The following LUC7L2 variants were observed in gnomAD, a reference collection of about 807,000 sequenced individuals.
LUC7L2 encodes LUC7 like 2, pre-mRNA splicing factor.
A neutral mutation model predicts 52.8 loss-of-function variants in LUC7L2; 25 were observed. The ratio of observed to expected loss-of-function variants is 0.47; its 90% CI spans 0.34 to 0.66. The LOEUF (loss-of-function observed/expected upper bound fraction) is 0.66, where lower values mean the gene tolerates loss of function less well. Among genes scored for constraint, LUC7L2 ranks in the 30% least tolerant of loss-of-function variants. The pLI, the probability that LUC7L2 is intolerant of heterozygous loss-of-function variation, is 0.01. For synonymous variants in LUC7L2, 144 were observed against 160.9 expected, an observed-to-expected ratio of 0.89 and a Z score of 0.80; for missense variants, 328 against 497.8, an observed-to-expected ratio of 0.66 and a Z score of 3.25.
chr7:139,392,824 G>T (rs1794501552), intron 2 of LUC7L2, among the ~76,000 whole-genome samples: 1 of 151,432 alleles, frequency 6.6e-6, no homozygotes, highest in Admixed American at 6.6e-5. Flanking sequence ...GGCTAATTTT[G>T]TATTTTTTTA....
At chr7:139,382,483 A>C (rs1250145312) in intron 2 of LUC7L2, among the ~76,000 whole-genome samples, 4 of 151,978 alleles carry the variant, frequency 2.6e-5, no homozygotes, top group African/African-American at 9.7e-5. Context: ...CCTGAGTTCG[A>C]GTGATTTTCC....
intron 2 of LUC7L2, among the ~76,000 whole-genome samples, chr7:139,397,129 G>A (rs545339962): frequency 1.8e-4 from 28 of 152,164 alleles, no homozygotes; most frequent in South Asian, 1.2e-3. Context: ...CTCTATTCCT[G>A]TTCCCTGTTA....
At chr7:139,359,756 G>C, upstream of LUC7L2, 1 of 400,762 alleles carries the variant, frequency 2.5e-6, no homozygotes, top group Non-Finnish European at 4.4e-6. Context: ...CCGGGGTAAA[G>C]GGGCGGGAGG....
Position 139,402,372 on chromosome 7 carries a change from T to G in LUC7L2, c.366+125T>G, listed in dbSNP as rs1794951791. 2.1e-5 allele frequency: 19 copies of G among 926,692 alleles called. No individual in the cohort carries two copies. The South Asian group carries it at 3.4e-4, about 17-fold the overall frequency. 57.4% of individuals were successfully genotyped at this position (926,692 alleles called of 1,614,324 possible). On this transcript the variant is annotated intron_variant, in intron 4 of 9. Coordinates refer to ENST00000354926, the MANE Select transcript of LUC7L2 (RefSeq NM_016019.5). ...ACATATACAAGGAATTCTGTATACTTTCTTGTCTGCCCCAGTGTAAACATC... is the reference window on the plus strand; with the variant it reads ...ACATATACAAGGAATTCTGTATACTGTCTTGTCTGCCCCAGTGTAAACATC...
chr7:139,415,054 GTTTTTTTTTTTT>G (rs1171809951), intron 8 of LUC7L2, among the ~76,000 whole-genome samples: 4 of 54,192 alleles, frequency 7.4e-5, no homozygotes, highest in African/African-American at 3.9e-4. Context: ...GCCCTGCTAA[GTTTTTTTTTTTT>G]TTTTTTTTTT....
chr7:139,373,479 C>T (rs1482888306), intron 1 of LUC7L2, among the ~76,000 whole-genome samples: 1 of 151,992 alleles, frequency 6.6e-6, no homozygotes, highest in Non-Finnish European at 1.5e-5. Context: ...TTATGGAGCA[C>T]CCATTCATTT....
chr7:139,359,489 T>G (rs562272089), upstream of LUC7L2: 3 of 193,968 alleles, frequency 1.5e-5, no homozygotes, highest in African/African-American at 2.4e-5. Flanking sequence ...GGGGCGGGCG[T>G]TCGCCCCGAG....
intron 1 of LUC7L2, among the ~76,000 whole-genome samples, chr7:139,370,267 A>G (rs1034079730): frequency 3.9e-5 from 6 of 152,220 alleles, no homozygotes; most frequent in African/African-American, 1.4e-4. Flanking sequence ...GGTTAATTAC[A>G]AAAGGATTTG....
At chr7:139,388,173 TTCTC>T (rs754027828) in intron 2 of LUC7L2, among the ~76,000 whole-genome samples, 2 of 152,188 alleles carry the variant, frequency 1.3e-5, no homozygotes, top group African/African-American at 2.4e-5. Flanking sequence ...TATATTCTCA[TTCTC>T]TCTCTCTTTC....
chr7:139,400,789 A>G (rs934592260), intron 3 of LUC7L2, among the ~76,000 whole-genome samples: 41 of 152,324 alleles, frequency 2.7e-4, no homozygotes, highest in African/African-American at 9.4e-4. Context: ...TCTTTACATA[A>G]GGAAATTTGA....
intron 3 of LUC7L2, among the ~76,000 whole-genome samples, chr7:139,401,892 C>G (rs1273617051): frequency 6.6e-6 from 1 of 151,870 alleles, no homozygotes; most frequent in Non-Finnish European, 1.5e-5. Flanking sequence ...GAAGCTGAGA[C>G]TACAGGTGTG....
intron 1 of LUC7L2, chr7:139,340,542 G>A (rs991081390): frequency 5.0e-6 from 2 of 398,258 alleles, no homozygotes; most frequent in African/African-American, 4.1e-5. Context: ...GCGGTGATGT[G>A]GACTTTTGTT....
At chr7:139,405,922 A>G (rs1795093422) in intron 5 of LUC7L2, 135 bp downstream of exon 5, 2 of 1,312,272 alleles carry the variant, frequency 1.5e-6, no homozygotes, top group African/African-American at 3.1e-5. Flanking sequence ...CAGTTGTTAA[A>G]GAGAAGTTGA....
intron 1 of LUC7L2, chr7:139,374,692 G>C: frequency 1.5e-6 from 2 of 1,318,314 alleles, no homozygotes; most frequent in Middle Eastern, 2.8e-4. Flanking sequence ...ATAAATTACT[G>C]TTGTTAAAAT....
rs1336333206 is a variant in LUC7L2 at position 139,398,616 on chromosome 7, A to G, written c.174A>G (p.Glu58=). ...CCTTCCAGAGAATGGATCTTGGAGA[A>G]TGTCTGAAAGTCCATGACCTGGCTT... ...VLSGTRMDLG[E]CLKVHDLALR... is the part of the protein sequence containing the mutation. The change falls in exon 3 of 10, where the codon GAA becomes GAG. Residue 58 remains glutamate (E), a synonymous_variant. Coordinates refer to ENST00000354926, the MANE Select transcript of LUC7L2 (RefSeq NM_016019.5). 3 of 1,609,558 alleles carry G rather than the reference A, an allele frequency of 1.9e-6. No individual in the cohort carries two copies. The highest frequency in any genetic ancestry group is 2.5e-6 in the Non-Finnish European group (3 of 1,178,824).
At chr7:139,373,255 A>G (rs749424823) in intron 1 of LUC7L2, among the ~76,000 whole-genome samples, 59 of 152,336 alleles carry the variant, frequency 3.9e-4, no homozygotes, top group Non-Finnish European at 7.9e-4. Context: ...TAAGTACTGC[A>G]TGGTTATGCA....
intron 2 of LUC7L2, among the ~76,000 whole-genome samples, chr7:139,395,223 T>A (rs553791687): frequency 6.6e-6 from 1 of 152,364 alleles, no homozygotes; most frequent in Non-Finnish European, 1.5e-5. Context: ...TCAAAGACAA[T>A]GACAGCATCC....
chr7:139,363,640 T>G (rs1279929613), intron 1 of LUC7L2, among the ~76,000 whole-genome samples: 1 of 152,222 alleles, frequency 6.6e-6, no homozygotes, highest in African/African-American at 2.4e-5. Context: ...TTACGTTTTA[T>G]AAATATCTTT....
At chr7:139,400,584 C>T (rs1302868016) in intron 3 of LUC7L2, among the ~76,000 whole-genome samples, 1 of 152,096 alleles carries the variant, frequency 6.6e-6, no homozygotes, top group Non-Finnish European at 1.5e-5. Context: ...AGAGTTCTCT[C>T]CTGTGGTTTC....
Sources: allele counts gnomAD v4.1 joint callset (sites outside exome capture counted in the v4.1 genomes callset), GRCh38; gene constraint gnomAD v4.1.1; transcripts MANE v1.5; gene names NCBI Gene and HGNC (gene_info 2026-07-23, HGNC 2026-07-21).